ZFHX3: variants seen among roughly 807,000 people sequenced by gnomAD.
ZFHX3 encodes the protein zinc finger homeobox protein 3.
A neutral mutation model predicts 279.1 loss-of-function variants in ZFHX3; 42 were observed. The observed-to-expected ratio is 0.15, with a 90% CI of 0.12 to 0.19. The LOEUF is 0.19. Among genes scored for constraint, ZFHX3 ranks in the 10% least tolerant of loss-of-function variants. The pLI, the probability that ZFHX3 is intolerant of heterozygous loss-of-function variation, is 1.00. For synonymous variants in ZFHX3, 2,293 were observed against 1,957.8 expected, an observed-to-expected ratio of 1.17 and a Z score of -4.52; for missense variants, 4,981 against 4,754.0, an observed-to-expected ratio of 1.05 and a Z score of -1.40.
chr16:73,048,481 G>A (rs1243574829), upstream of ZFHX3: 2 of 152,174 alleles, frequency 1.3e-5, no homozygotes, highest in Non-Finnish European at 2.9e-5. Context: ...CGCTCGGCCT[G>A]CGCCGCCCCG....
chr16:72,973,106 T>C (rs73592767), intron 1 of ZFHX3, among the ~76,000 whole-genome samples: 3,069 of 152,312 alleles, frequency 0.02, 54 homozygotes, highest in African/African-American at 0.046. Flanking sequence ...ATGTGTCTCA[T>C]ACTTTCAGAA....
At chr16:73,757,608 C>A (rs2053823622) in intron 1 of ZFHX3, among the ~76,000 whole-genome samples, 1 of 152,028 alleles carries the variant, frequency 6.6e-6, no homozygotes, top group Non-Finnish European at 1.5e-5. Flanking sequence ...GAGTAAGACA[C>A]CAACAAGATA....
At chr16:72,925,602 C>G (rs577361687) in intron 3 of ZFHX3, among the ~76,000 whole-genome samples, 4 of 152,250 alleles carry the variant, frequency 2.6e-5, no homozygotes, top group African/African-American at 9.6e-5. Context: ...CACTTAACCC[C>G]GTCCCGTGTC....
At chr16:73,576,531 T>C (rs1300779118) in intron 2 of ZFHX3, among the ~76,000 whole-genome samples, 1 of 152,094 alleles carries the variant, frequency 6.6e-6, no homozygotes, top group African/African-American at 2.4e-5. Flanking sequence ...AAACGAGAAA[T>C]GATTCTTCCG....
chr16:73,338,424 A>C (rs1038355017), intron 3 of ZFHX3, among the ~76,000 whole-genome samples: 6 of 152,100 alleles, frequency 3.9e-5, no homozygotes, highest in Non-Finnish European at 7.4e-5. Context: ...AATCACACTA[A>C]ATAAAGGTCA....
At chr16:72,870,250 G>A (rs954520665) in intron 4 of ZFHX3, among the ~76,000 whole-genome samples, 4 of 152,102 alleles carry the variant, frequency 2.6e-5, no homozygotes, top group Admixed American at 6.5e-5. Flanking sequence ...AAACTAGCCA[G>A]ATGTGGTGAT....
chr16:72,924,965 T>C (rs889678217), intron 3 of ZFHX3, among the ~76,000 whole-genome samples: 2 of 152,158 alleles, frequency 1.3e-5, no homozygotes, highest in Non-Finnish European at 2.9e-5. Context: ...AGATGGGTCT[T>C]ACTCCGGCGC....
chr16:73,508,721 T>C (rs1054382947), intron 2 of ZFHX3, among the ~76,000 whole-genome samples: 1 of 152,178 alleles, frequency 6.6e-6, no homozygotes, highest in Non-Finnish European at 1.5e-5. Flanking sequence ...TATGAGCAGA[T>C]GCAGTGGTAT....
At chr16:73,236,018 A>C (rs1298682487) in intron 5 of ZFHX3, among the ~76,000 whole-genome samples, 2 of 152,204 alleles carry the variant, frequency 1.3e-5, no homozygotes, top group African/African-American at 2.4e-5. Context: ...AGTGAAACAT[A>C]TTTGCAAAGA....
At chr16:73,289,021 A>T (rs538780921) in intron 4 of ZFHX3, among the ~76,000 whole-genome samples, 89 of 148,996 alleles carry the variant, frequency 6.0e-4, no homozygotes, top group African/African-American at 2.2e-3. Context: ...AAAACAGATA[A>T]ATTAATGTCA....
At chr16:73,520,224 T>C (rs1490954947) in intron 2 of ZFHX3, among the ~76,000 whole-genome samples, 2 of 152,210 alleles carry the variant, frequency 1.3e-5, no homozygotes, top group African/African-American at 4.8e-5. Context: ...TGGGTGTTTC[T>C]ACAATTGTGA....
intron 1 of ZFHX3, among the ~76,000 whole-genome samples, chr16:73,832,026 G>A (rs1157030537): frequency 1.3e-5 from 2 of 152,126 alleles, no homozygotes; most frequent in South Asian, 2.1e-4. Context: ...TCAGCCTCCC[G>A]AGTAGCTGGG....
chr16:73,165,565 G>T (rs376913380), intron 5 of ZFHX3, among the ~76,000 whole-genome samples: 2 of 152,282 alleles, frequency 1.3e-5, no homozygotes, highest in East Asian at 3.9e-4. Flanking sequence ...ACAGAAAGTG[G>T]ACCGAGCCCA....
intron 2 of ZFHX3, among the ~76,000 whole-genome samples, chr16:73,604,744 A>G (rs1437989030): frequency 3.4e-5 from 1 of 29,200 alleles, no homozygotes; most frequent in South Asian, 1.8e-3. Context: ...GACTCCGTGA[A>G]AAAAAAAAAA....
At chr16:73,730,087 G>A (rs578163884) in intron 1 of ZFHX3, among the ~76,000 whole-genome samples, 1 of 152,180 alleles carries the variant, frequency 6.6e-6, no homozygotes, top group South Asian at 2.1e-4. Context: ...ATGCACAGAA[G>A]GCTGACTCTT....
chr16:73,095,217 G>A (rs1271564591), intron 7 of ZFHX3, among the ~76,000 whole-genome samples: 1 of 152,006 alleles, frequency 6.6e-6, no homozygotes, highest in Non-Finnish European at 1.5e-5. Flanking sequence ...GAGCCACTGC[G>A]CCTGGCTCTG....
At chr16:72,803,592 C>A (rs1158047954) in intron 7 of ZFHX3, among the ~76,000 whole-genome samples, 1 of 152,178 alleles carries the variant, frequency 6.6e-6, no homozygotes, top group Non-Finnish European at 1.5e-5. Context: ...GTCCATACTT[C>A]CAGCCATGGA....
At chr16:73,497,652 A>G (rs2019164293) in intron 2 of ZFHX3, among the ~76,000 whole-genome samples, 1 of 152,214 alleles carries the variant, frequency 6.6e-6, no homozygotes, top group African/African-American at 2.4e-5. Context: ...CCTGGGCAAC[A>G]GAGCAAGACC....
intron 3 of ZFHX3, among the ~76,000 whole-genome samples, chr16:73,455,638 T>C (rs2143569051): frequency 6.6e-6 from 1 of 152,250 alleles, no homozygotes; most frequent in African/African-American, 2.4e-5. Context: ...AAAAGCTGAA[T>C]ACTATGAGCA....
Sources: allele counts gnomAD v4.1 joint callset (sites outside exome capture counted in the v4.1 genomes callset), GRCh38; gene constraint gnomAD v4.1.1; transcripts MANE v1.5; gene names NCBI Gene and HGNC (gene_info 2026-07-23, HGNC 2026-07-21).